FHIT: variants seen among roughly 807,000 people sequenced by gnomAD.
FHIT encodes the protein fragile histidine triad diadenosine triphosphatase.
Under a neutral mutation model 17.9 loss-of-function variants are expected in FHIT, and 19 were observed. That is an observed-to-expected ratio of 1.06 (90% confidence interval 0.74 to 1.56). FHIT has a LOEUF of 1.56. Among genes scored for constraint, FHIT ranks in the 40% most tolerant of loss-of-function variants. The pLI, the probability that FHIT is intolerant of heterozygous loss-of-function variation, is 0.00. For synonymous variants in FHIT, 81 were observed against 69.7 expected (o/e 1.16, Z -0.81); for missense variants, 248 against 189.2 (o/e 1.31, Z -1.82).
At chr3:60,779,290 A>C (rs1700306265) in intron 4 of FHIT, among the ~76,000 whole-genome samples, 1 of 152,152 alleles carries the variant, frequency 6.6e-6, no homozygotes. Flanking sequence ...AGTTGTTTTT[A>C]AGTTTTCATC....
At chr3:60,274,732 A>G (rs918781089) in intron 5 of FHIT, among the ~76,000 whole-genome samples, 1 of 152,202 alleles carries the variant, frequency 6.6e-6, no homozygotes, top group Non-Finnish European at 1.5e-5. Context: ...GAGTCTGTTC[A>G]GGTCTACTAC....
intron 5 of FHIT, among the ~76,000 whole-genome samples, chr3:60,101,635 T>A (rs1704194969): frequency 6.6e-6 from 1 of 152,228 alleles, no homozygotes; most frequent in African/African-American, 2.4e-5. Context: ...GGAATGTAAT[T>A]CCATGAGGGC....
At chr3:59,784,606 A>G (rs1702753523) in intron 8 of FHIT, among the ~76,000 whole-genome samples, 1 of 152,236 alleles carries the variant, frequency 6.6e-6, no homozygotes, top group South Asian at 2.1e-4. Flanking sequence ...CGTAGAACGC[A>G]GTCACGACCT....
intron 4 of FHIT, among the ~76,000 whole-genome samples, chr3:60,619,057 C>A (rs1235426249): frequency 6.7e-5 from 10 of 149,322 alleles, no homozygotes; most frequent in Admixed American, 2.0e-4. Flanking sequence ...TTGTTTGAAG[C>A]CACTGAGTCT....
intron 5 of FHIT, among the ~76,000 whole-genome samples, chr3:60,274,642 T>G (rs1364706105): frequency 6.6e-6 from 1 of 152,220 alleles, no homozygotes; most frequent in Non-Finnish European, 1.5e-5. Flanking sequence ...TTCAAGGTGG[T>G]AGCACAGCTT....
chr3:59,840,308 C>A (rs548095789), intron 8 of FHIT, among the ~76,000 whole-genome samples: 1 of 151,718 alleles, frequency 6.6e-6, no homozygotes, highest in South Asian at 2.1e-4. Context: ...CTATAGGGGC[C>A]CTTTGATAAG....
chr3:60,788,007 A>C (rs1406304245), intron 4 of FHIT, among the ~76,000 whole-genome samples: 2 of 152,220 alleles, frequency 1.3e-5, no homozygotes, highest in African/African-American at 2.4e-5. Context: ...AGCTTCATTC[A>C]GGCTCAGGTT....
intron 5 of FHIT, among the ~76,000 whole-genome samples, chr3:60,131,028 CATATGTGTATATAT>C (rs1699562294): frequency 1.8e-5 from 2 of 111,752 alleles, no homozygotes; most frequent in South Asian, 2.9e-4. Flanking sequence ...CACATATATA[CATATGTGTATATAT>C]ACACATATAT....
intron 3 of FHIT, among the ~76,000 whole-genome samples, chr3:61,039,360 A>C (rs1460372374): frequency 6.6e-6 from 1 of 152,192 alleles, no homozygotes; most frequent in Non-Finnish European, 1.5e-5. Context: ...CCTTACTGGG[A>C]GATCTACTTA....
intron 4 of FHIT, among the ~76,000 whole-genome samples, chr3:60,563,587 A>AGTGCT (rs1259117403): frequency 6.6e-6 from 1 of 152,242 alleles, no homozygotes; most frequent in Admixed American, 6.5e-5. Context: ...GGAAATTAAA[A>AGTGCT]GTGCTACTCC....
rs1445142999 is a variant in FHIT, at chr3:60,008,927, A to G, written c.279+2444T>C. ...ACAATACTGAGGCTGGCAAATATCT[A>G]TCACGGGATGTGCTTGTTAATAATG... On this transcript the variant is annotated intron_variant, in intron 7 of 9. Transcript: ENST00000492590. 2.0e-5 allele frequency among the ~76,000 whole-genome samples: 3 copies of G among 152,328 alleles called. No homozygotes were observed. The East Asian group carries it at 5.8e-4, about 29-fold the overall frequency.
intron 4 of FHIT, among the ~76,000 whole-genome samples, chr3:60,694,851 G>A (rs1401224870): frequency 6.6e-6 from 1 of 152,010 alleles, no homozygotes; most frequent in Non-Finnish European, 1.5e-5. Flanking sequence ...ACTCACAGGT[G>A]GGAACTGAAC....
chr3:60,381,162 T>C (rs1700784090), intron 5 of FHIT, among the ~76,000 whole-genome samples: 1 of 152,100 alleles, frequency 6.6e-6, no homozygotes, highest in Non-Finnish European at 1.5e-5. Context: ...TTAGCAGAAG[T>C]ATATTGCTTA....
chr3:61,190,452 G>T (rs551589763), intron 2 of FHIT, among the ~76,000 whole-genome samples: 4 of 152,318 alleles, frequency 2.6e-5, no homozygotes, highest in Admixed American at 6.5e-5. Flanking sequence ...AGAGGATGTG[G>T]AGAAATAGGA....
intron 4 of FHIT, among the ~76,000 whole-genome samples, chr3:60,684,530 G>A (rs113927251): frequency 1.8e-4 from 28 of 152,022 alleles, no homozygotes; most frequent in African/African-American, 5.5e-4. Flanking sequence ...GTGACCTGTC[G>A]TCTCCATCCC....
intron 2 of FHIT, among the ~76,000 whole-genome samples, chr3:61,086,291 A>T (rs141488487): frequency 6.6e-6 from 1 of 152,144 alleles, no homozygotes; most frequent in East Asian, 1.9e-4. Context: ...TAGTTTGTTA[A>T]AAGTTCTTAT....
At chr3:60,309,895 A>T (rs537810910) in intron 5 of FHIT, among the ~76,000 whole-genome samples, 109 of 152,164 alleles carry the variant, frequency 7.2e-4, no homozygotes, top group Non-Finnish European at 1.3e-3. Context: ...CATATTACTT[A>T]CTATAATTTT....
At chr3:60,499,141 C>T (rs2034420394) in intron 5 of FHIT, among the ~76,000 whole-genome samples, 2 of 152,154 alleles carry the variant, frequency 1.3e-5, no homozygotes, top group South Asian at 2.1e-4. Flanking sequence ...TCTACAGAGC[C>T]TCTACAAGAC....
rs957005326 is a variant in FHIT at position 59,863,240 on chromosome 3, G to C, written c.348+59106C>G. Among the ~76,000 whole-genome samples, 5 of 152,292 alleles carry C rather than the reference G, an allele frequency of 3.3e-5. No individual in the cohort carries two copies. In the South Asian group the frequency reaches 1.0e-3, roughly 32 times the overall value. ...ATAAAGTCTTAATGAACATCAGAGG[G>C]ACGTTTCAGGGCCTGCTTTGTGACG... On this transcript the variant is annotated intron_variant, in intron 8 of 9. Coordinates refer to ENST00000492590, the MANE Select transcript of FHIT (RefSeq NM_002012.4).
Sources: allele counts gnomAD v4.1 joint callset (sites outside exome capture counted in the v4.1 genomes callset), GRCh38; gene constraint gnomAD v4.1.1; transcripts MANE v1.5; gene names NCBI Gene and HGNC (gene_info 2026-07-23, HGNC 2026-07-21).